EPHB1: variants seen among roughly 807,000 people sequenced by gnomAD.
The protein encoded by EPHB1 is ephrin type-B receptor 1.
A neutral mutation model predicts 94.4 loss-of-function variants in EPHB1; 30 were observed. The observed-to-expected ratio is 0.32, with a 90% CI of 0.24 to 0.43. EPHB1 has a LOEUF of 0.43. Ranked by LOEUF, EPHB1 falls within the 20% of genes least tolerant of loss-of-function variation. EPHB1 has a pLI of 1.00. For synonymous variants in EPHB1, 522 were observed against 489.1 expected (o/e 1.07, Z -0.89); for missense variants, 1,055 against 1,308.3 (o/e 0.81, Z 2.99).
intron 3 of EPHB1, among the ~76,000 whole-genome samples, chr3:135,094,462 G>A (rs368139076): frequency 1.3e-5 from 2 of 152,166 alleles, no homozygotes; most frequent in East Asian, 1.9e-4. Context: ...GGGCTGGGCC[G>A]TGGACAGGAG....
chr3:135,020,731 C>T (rs1458788122), intron 3 of EPHB1, among the ~76,000 whole-genome samples: 3 of 152,178 alleles, frequency 2.0e-5, no homozygotes, highest in African/African-American at 7.2e-5. Context: ...GTTAAATTTA[C>T]AACTATATTT....
intron 3 of EPHB1, chr3:135,067,439 C>G (rs1054561751): frequency 6.6e-6 from 1 of 152,176 alleles, no homozygotes; most frequent in Non-Finnish European, 1.5e-5. Flanking sequence ...TTATGGCTGC[C>G]TCTGCTGAGT....
At chr3:134,962,681 C>G (rs1473186714) in intron 3 of EPHB1, among the ~76,000 whole-genome samples, 1 of 152,172 alleles carries the variant, frequency 6.6e-6, no homozygotes, top group Admixed American at 6.5e-5. Context: ...GCCCTTCACC[C>G]CACATCCTTT....
chr3:135,024,834 C>T (rs1279413993), intron 3 of EPHB1, among the ~76,000 whole-genome samples: 1 of 152,024 alleles, frequency 6.6e-6, no homozygotes, highest in East Asian at 1.9e-4. Flanking sequence ...TTATTGATGT[C>T]AATTTAGACA....
chr3:134,958,607 A>G (rs1162432527), intron 3 of EPHB1, among the ~76,000 whole-genome samples: 1 of 152,200 alleles, frequency 6.6e-6, no homozygotes, highest in Admixed American at 6.5e-5. Context: ...AGGGGAGGCC[A>G]GGGTCATTAA....
rs532286800 is a variant in EPHB1 at position 135,254,600 on chromosome 3, G to A, written c.2847-4412G>A. Among the ~76,000 whole-genome samples, 95 of 152,240 alleles carry A rather than the reference G, an allele frequency of 6.2e-4. No homozygotes were observed. In the East Asian group the frequency reaches 0.018, roughly 28 times the overall value. ...TGGTGAATAAGCTTTTTGATGTGCTGCTGGATTCGGTTTGCCAGTATTTTA... is the reference window on the plus strand; with the variant it reads ...TGGTGAATAAGCTTTTTGATGTGCTACTGGATTCGGTTTGCCAGTATTTTA... On this transcript the variant is annotated intron_variant, in intron 15 of 15. Coordinates refer to ENST00000398015, the MANE Select transcript of EPHB1 (RefSeq NM_004441.5).
intron 3 of EPHB1, among the ~76,000 whole-genome samples, chr3:135,096,733 C>T (rs944854347): frequency 5.9e-5 from 9 of 152,164 alleles, no homozygotes; most frequent in Non-Finnish European, 1.3e-4. Context: ...TCTTATTAGG[C>T]CATTAATCCC....
intron 2 of EPHB1, among the ~76,000 whole-genome samples, chr3:134,931,757 A>G (rs1267809158): frequency 6.6e-6 from 1 of 152,208 alleles, no homozygotes; most frequent in Non-Finnish European, 1.5e-5. Context: ...ATGTGTGTGC[A>G]TGTATATATG....
chr3:135,236,276 C>G (rs1441843411), intron 12 of EPHB1, among the ~76,000 whole-genome samples: 2 of 152,084 alleles, frequency 1.3e-5, no homozygotes, highest in Non-Finnish European at 2.9e-5. Context: ...CTGCCTCCAT[C>G]TTCACATGGT....
intron 6 of EPHB1, among the ~76,000 whole-genome samples, chr3:135,157,620 A>G (rs1392394966): frequency 6.6e-6 from 1 of 152,214 alleles, no homozygotes. Flanking sequence ...TTGGAAACAG[A>G]GAAGGTTCTT....
chr3:134,972,767 C>A (rs767029133), intron 3 of EPHB1, among the ~76,000 whole-genome samples: 13 of 152,032 alleles, frequency 8.6e-5, no homozygotes, highest in Non-Finnish European at 1.3e-4. Context: ...GACAATGGGA[C>A]ACAATTTGAA....
At chr3:134,813,561 G>A (rs949463694) in intron 1 of EPHB1, among the ~76,000 whole-genome samples, 1 of 152,182 alleles carries the variant, frequency 6.6e-6, no homozygotes, top group African/African-American at 2.4e-5. Flanking sequence ...TCTCAGGACT[G>A]GGCCCATTTG....
chr3:135,127,822 G>A (rs141534395), intron 4 of EPHB1, among the ~76,000 whole-genome samples: 128 of 152,212 alleles, frequency 8.4e-4, no homozygotes, highest in African/African-American at 2.9e-3. Flanking sequence ...GGTCTAGAAG[G>A]ATCCTGTTTA....
At chr3:135,198,258 G>T (rs192090100) in intron 11 of EPHB1, among the ~76,000 whole-genome samples, 2 of 152,300 alleles carry the variant, frequency 1.3e-5, no homozygotes, top group South Asian at 2.1e-4. Flanking sequence ...TTTGATTACT[G>T]TTATAACTCA....
intron 12 of EPHB1, among the ~76,000 whole-genome samples, chr3:135,221,427 G>T (rs546526199): frequency 1.3e-5 from 2 of 152,058 alleles, no homozygotes; most frequent in African/African-American, 4.8e-5. Flanking sequence ...ATCCATTACC[G>T]TACTAGTAAT....
At chr3:134,997,202 T>C (rs1252250785) in intron 3 of EPHB1, among the ~76,000 whole-genome samples, 1 of 152,170 alleles carries the variant, frequency 6.6e-6, no homozygotes, top group East Asian at 1.9e-4. Context: ...ATTGAAAAGG[T>C]CTCCTTTGTT....
At chr3:135,112,710 G>A (rs1217602206) in intron 4 of EPHB1, among the ~76,000 whole-genome samples, 2 of 151,588 alleles carry the variant, frequency 1.3e-5, no homozygotes, top group African/African-American at 4.9e-5. Context: ...CCCTACAAAG[G>A]ACATGAACTC....
intron 4 of EPHB1, among the ~76,000 whole-genome samples, chr3:135,122,497 G>A (rs1576405367): frequency 6.6e-6 from 1 of 152,134 alleles, no homozygotes; most frequent in South Asian, 2.1e-4. Context: ...TTGAGCCACA[G>A]CTAGAAGATT....
intron 3 of EPHB1, among the ~76,000 whole-genome samples, chr3:135,069,418 A>G (rs987404867): frequency 6.6e-6 from 1 of 152,080 alleles, no homozygotes; most frequent in Non-Finnish European, 1.5e-5. Context: ...CCAGGCCCCA[A>G]GGAAGACAGT....
Sources: gnomAD v4.1 joint callset for allele counts (sites outside exome capture counted in the v4.1 genomes callset) on GRCh38, gnomAD v4.1.1 for gene constraint, MANE v1.5 for transcripts, NCBI Gene and HGNC (gene_info 2026-07-23, HGNC 2026-07-21) for gene names.